ARMC3: variants seen among roughly 807,000 people sequenced by gnomAD.
ARMC3 encodes armadillo repeat-containing protein 3.
A neutral mutation model predicts 90.3 loss-of-function variants in ARMC3; 74 were observed. That is an observed-to-expected ratio of 0.82 (90% CI 0.68 to 0.99). The LOEUF (loss-of-function observed/expected upper bound fraction) is 0.99, where lower values mean the gene tolerates loss of function less well. Ranked by LOEUF, ARMC3 falls within the 50% of genes least tolerant of loss-of-function variation. ARMC3 has a pLI of 0.00. For missense variants in ARMC3, 958 were observed against 1,042.8 expected (o/e 0.92, Z 1.12); for synonymous variants, 334 against 361.8 (o/e 0.92, Z 0.87).
intron 10 of ARMC3, among the ~76,000 whole-genome samples, chr10:22,986,389 TA>T (rs1836441247): frequency 6.6e-6 from 1 of 151,384 alleles, no homozygotes; most frequent in African/African-American, 2.4e-5. Context: ...CCATCTCTAC[TA>T]AAAATACAAA....
intron 11 of ARMC3, among the ~76,000 whole-genome samples, chr10:23,000,989 T>C (rs1226878552): frequency 6.6e-6 from 1 of 152,262 alleles, no homozygotes; most frequent in Non-Finnish European, 1.5e-5. Context: ...AATGAAGTTC[T>C]ATCCAATTCT....
chr10:22,981,571 A>C, intron 9 of ARMC3, 24 bp from the exon 10 acceptor site: 1 of 1,613,892 alleles, frequency 6.2e-7, no homozygotes. Context: ...TAAAAGTCAC[A>C]TTTTTACCTT....
In ARMC3 at chr10:22,966,369, A is replaced by G. The variant is rs111809450; in HGVS notation, c.733-1937A>G. On this transcript the variant is annotated intron_variant, in intron 7 of 18. Coordinates refer to ENST00000298032, the MANE Select transcript of ARMC3 (RefSeq NM_173081.5). ...GTATTTAAAAGCAGTAAATTAATCA[A>G]TCTCACCTAGCACAGCTCCCTCTTC... 3.3e-3 allele frequency among the ~76,000 whole-genome samples: 509 copies of G among 152,236 alleles called. 1 individual carries two copies. The highest frequency in any genetic ancestry group is 6.3e-3 in the Non-Finnish European group (426 of 68,022).
At chr10:22,943,034 T>C (rs545109281) in intron 2 of ARMC3, among the ~76,000 whole-genome samples, 1 of 152,184 alleles carries the variant, frequency 6.6e-6, no homozygotes, top group African/African-American at 2.4e-5. Flanking sequence ...GTCAGAATAA[T>C]GGTTATCTCT....
At chr10:23,005,340 C>T (rs1282522128) in intron 13 of ARMC3, among the ~76,000 whole-genome samples, 1 of 151,596 alleles carries the variant, frequency 6.6e-6, no homozygotes, top group Non-Finnish European at 1.5e-5. Context: ...AAAATTGTGA[C>T]AAAACGTGTT....
chr10:23,021,871 C>T (rs948161217), intron 16 of ARMC3, among the ~76,000 whole-genome samples: 5 of 152,078 alleles, frequency 3.3e-5, no homozygotes, highest in Non-Finnish European at 7.4e-5. Context: ...TATGAGTCTT[C>T]TGTTGACCAT....
chr10:22,986,509 G>A (rs1353089582), intron 10 of ARMC3, among the ~76,000 whole-genome samples: 2 of 142,778 alleles, frequency 1.4e-5, no homozygotes, highest in African/African-American at 2.6e-5. Flanking sequence ...CCAAGATCGC[G>A]CCACTTCACT....
At chr10:23,032,690 C>A (rs1350301803) in intron 17 of ARMC3, among the ~76,000 whole-genome samples, 171 bp from the exon 18 acceptor site, 1 of 152,142 alleles carries the variant, frequency 6.6e-6, no homozygotes, top group Non-Finnish European at 1.5e-5. Context: ...AGTAAGCATG[C>A]TATGCTACAG....
chr10:22,999,348 G>A (rs1287932200), intron 11 of ARMC3, among the ~76,000 whole-genome samples: 3 of 152,124 alleles, frequency 2.0e-5, no homozygotes, highest in African/African-American at 7.2e-5. Flanking sequence ...AGGAGTTCGA[G>A]GCCAGCCTGG....
chr10:22,935,942 C>T (rs898889653), intron 2 of ARMC3, among the ~76,000 whole-genome samples: 1 of 152,178 alleles, frequency 6.6e-6, no homozygotes, highest in South Asian at 2.1e-4. Context: ...ACACAATTAG[C>T]ACCTCATGAT....
chr10:22,947,259 CTG>C (rs765776414), intron 3 of ARMC3, among the ~76,000 whole-genome samples: 73 of 151,730 alleles, frequency 4.8e-4, no homozygotes, highest in Middle Eastern at 3.4e-3. Flanking sequence ...TGAGCTGAGA[CTG>C]TGCCACTGCA....
Position 23,033,229 on chromosome 10 carries a change from C to A in ARMC3, c.2409+206C>A, listed in dbSNP as rs575664589. 2.8e-4 allele frequency among the ~76,000 whole-genome samples: 43 copies of A among 152,136 alleles called. 1 individual carries two copies. In the South Asian group the frequency reaches 7.5e-3, roughly 26 times the overall value. ...TATAAACATGCATATACACACATAC[C>A]TGCCTATATAGTCAACAGACTACTA... On this transcript the variant is annotated intron_variant, in intron 18 of 18. Transcript: ENST00000298032.
intron 3 of ARMC3, among the ~76,000 whole-genome samples, chr10:22,947,064 G>A (rs1292341182): frequency 1.3e-5 from 2 of 152,040 alleles, no homozygotes; most frequent in African/African-American, 2.4e-5. Flanking sequence ...CCAGCTACTC[G>A]GGAGGCTGAG....
chr10:22,950,989 G>A (rs1564346846), intron 3 of ARMC3, among the ~76,000 whole-genome samples: 1 of 150,174 alleles, frequency 6.7e-6, no homozygotes, highest in African/African-American at 2.5e-5. Context: ...CCAGGCTGGA[G>A]TGCAGTGGCG....
chr10:22,961,864 T>C lies in ARMC3; in HGVS notation c.538-20T>C, dbSNP rs746733675. On this transcript the variant is annotated intron_variant, in intron 6 of 18. Coordinates refer to ENST00000298032, the MANE Select transcript of ARMC3 (RefSeq NM_173081.5). The stretch of plus-strand genomic sequence containing the variant: ...GTATTTTGCTTAAAAAAATTATTGA[T>C]CATCTGTATTTTGTGGCAGGATTTT... 8.4e-6 allele frequency: 13 copies of C among 1,548,572 alleles called. No homozygotes were observed. The highest frequency in any genetic ancestry group is 4.2e-5 in the African/African-American group (3 of 71,216).
chr10:22,938,005 T>C (rs1588810074), intron 2 of ARMC3, among the ~76,000 whole-genome samples: 2 of 152,184 alleles, frequency 1.3e-5, no homozygotes, highest in East Asian at 3.8e-4. Context: ...GCTTATATTA[T>C]AGTGGGAGAA....
chr10:22,974,484 A>G (rs564865042), intron 8 of ARMC3, among the ~76,000 whole-genome samples: 1 of 152,298 alleles, frequency 6.6e-6, no homozygotes, highest in East Asian at 1.9e-4. Context: ...CTTTGTATAG[A>G]TTTTAAAAAC....
At chr10:22,966,476 G>A (rs1003828432) in intron 7 of ARMC3, among the ~76,000 whole-genome samples, 1 of 152,166 alleles carries the variant, frequency 6.6e-6, no homozygotes, top group African/African-American at 2.4e-5. Context: ...GTATAGTTTA[G>A]TAGTCAGCCA....
At chr10:23,014,592 C>T (rs1245922262) in intron 16 of ARMC3, 3 of 683,288 alleles carry the variant, frequency 4.4e-6, no homozygotes, top group East Asian at 1.2e-4. Context: ...AAATGTGGTA[C>T]ATATACACCA....
Sources: gnomAD v4.1 joint callset for allele counts (sites outside exome capture counted in the v4.1 genomes callset) on GRCh38, gnomAD v4.1.1 for gene constraint, MANE v1.5 for transcripts, NCBI Gene and HGNC (gene_info 2026-07-23, HGNC 2026-07-21) for gene names.